Variants in GPHN observed in about 807,000 individuals in gnomAD.
GPHN encodes the protein gephyrin.
In GPHN, 17 loss-of-function variants were observed where a neutral mutation model predicts 95.5. The observed-to-expected ratio is 0.18, with a 90% CI of 0.12 to 0.27. GPHN has a LOEUF of 0.27. Ranked by LOEUF, GPHN falls within the 10% of genes least tolerant of loss-of-function variation. The probability of loss-of-function intolerance (pLI) is 1.00; values close to 1 mark genes in which losing one functional copy is unlikely to be tolerated. For synonymous variants in GPHN, 320 were observed against 322.5 expected, an observed-to-expected ratio of 0.99 and a Z score of 0.08; for missense variants, 660 against 978.1, an observed-to-expected ratio of 0.67 and a Z score of 4.34.
intron 8 of GPHN, among the ~76,000 whole-genome samples, chr14:66,963,390 G>T (rs979995537): frequency 6.6e-6 from 1 of 151,992 alleles, no homozygotes; most frequent in Non-Finnish European, 1.5e-5. Flanking sequence ...TCGTGCAGTT[G>T]CTTCATTAGA....
rs561467272 is a variant in GPHN at position 66,811,598 on chromosome 14, G to A, written c.202-12876G>A. The stretch of plus-strand genomic sequence containing the variant: ...AAGAACAGGTTAAAATATAGAAAAT[G>A]TATTTTTCACCAACTGTCATTTCTA... On this transcript the variant is annotated intron_variant, in intron 3 of 22. Coordinates refer to ENST00000478722, the MANE Select transcript of GPHN (RefSeq NM_020806.5). Among the ~76,000 whole-genome samples, 604 of 150,118 alleles carry A rather than the reference G, an allele frequency of 4.0e-3. 2 individuals carry two copies. Among genetic ancestry groups the A allele is most frequent in the African/African-American group, 0.014 (570 of 40,886 alleles).
chr14:67,300,185 G>A, the GPHN span, among the ~76,000 whole-genome samples: 1 of 151,978 alleles, frequency 6.6e-6, no homozygotes, highest in Non-Finnish European at 1.5e-5. Flanking sequence ...GACTGGTTTT[G>A]GTACTGTCAT....
chr14:67,496,467 G>C, the GPHN span, among the ~76,000 whole-genome samples: 6 of 133,726 alleles, frequency 4.5e-5, no homozygotes, highest in Non-Finnish European at 7.7e-5. Context: ...GCAGAGGCAC[G>C]ATCTCTGCTC....
chr14:66,825,267 A>T (rs2061348332), intron 4 of GPHN, among the ~76,000 whole-genome samples: 2 of 152,072 alleles, frequency 1.3e-5, no homozygotes, highest in South Asian at 4.1e-4. Context: ...CACTTGTGAC[A>T]TTGTTTCCTT....
chr14:66,925,342 C>G (rs1411782226), intron 8 of GPHN, among the ~76,000 whole-genome samples: 1 of 152,060 alleles, frequency 6.6e-6, no homozygotes, highest in East Asian at 1.9e-4. Flanking sequence ...TTGTAATCAC[C>G]CTGTTGTGCT....
chr14:66,608,627 T>C (rs1042415100), intron 1 of GPHN, among the ~76,000 whole-genome samples: 1 of 152,124 alleles, frequency 6.6e-6, no homozygotes, highest in Non-Finnish European at 1.5e-5. Flanking sequence ...TGAGGTCTTT[T>C]TCTAGGTCAA....
chr14:66,740,100 AAG>A (rs2072665859), intron 2 of GPHN, among the ~76,000 whole-genome samples: 2 of 152,204 alleles, frequency 1.3e-5, no homozygotes, highest in South Asian at 4.1e-4. Flanking sequence ...AAAAACAAGA[AAG>A]AGGTTCAAAA....
chr14:67,674,412 T>G, the GPHN span: 89 of 1,606,528 alleles, frequency 5.5e-5, 1 homozygote, highest in Middle Eastern at 6.7e-4. Context: ...CGGGCACCCC[T>G]TGTAGGTCTT....
At chr14:67,443,233 GA>G in the GPHN span, among the ~76,000 whole-genome samples, 3,061 of 146,240 alleles carry the variant, frequency 0.021, 40 homozygotes, top group Non-Finnish European at 0.029. Flanking sequence ...AAGAAAGAAA[GA>G]AAAAAAAAAT....
In GPHN at chr14:66,945,924, A is replaced by G. The variant is rs555134913; in HGVS notation, c.829-19267A>G. 6.6e-4 allele frequency among the ~76,000 whole-genome samples: 101 copies of G among 152,218 alleles called. 1 individual carries two copies. The highest frequency in any genetic ancestry group is 1.9e-3 in the African/African-American group (78 of 41,548). On this transcript the variant is annotated intron_variant, in intron 8 of 22. Coordinates refer to ENST00000478722, the MANE Select transcript of GPHN (RefSeq NM_020806.5). Reference sequence around the variant, plus strand: ...TAAAGAACAAACTTTTGTGATTTCTATTGGCTTTCTGGGAAATGTCAAAGA... The same window carrying G: ...TAAAGAACAAACTTTTGTGATTTCTGTTGGCTTTCTGGGAAATGTCAAAGA...
chr14:66,585,521 C>T (rs1250160317), intron 1 of GPHN, among the ~76,000 whole-genome samples: 2 of 151,964 alleles, frequency 1.3e-5, no homozygotes, highest in Admixed American at 1.3e-4. Context: ...CTCTTGTGGG[C>T]ATTTAGTGCT....
At chr14:66,641,888 A>G (rs962204267) in intron 1 of GPHN, among the ~76,000 whole-genome samples, 11 of 152,194 alleles carry the variant, frequency 7.2e-5, no homozygotes, top group African/African-American at 2.4e-4. Context: ...AAAAATGACT[A>G]TCTCTTCTGA....
chr14:67,658,995 T>C, the GPHN span, among the ~76,000 whole-genome samples: 1 of 152,194 alleles, frequency 6.6e-6, no homozygotes. Flanking sequence ...TGCCAGAGAA[T>C]TTCTACTTTG....
At chr14:66,858,217 CT>C (rs755521197) in intron 4 of GPHN, among the ~76,000 whole-genome samples, 4 of 152,044 alleles carry the variant, frequency 2.6e-5, no homozygotes, top group Admixed American at 2.0e-4. Flanking sequence ...TGCACCATCC[CT>C]TCCCCATGCC....
In GPHN at chr14:66,508,414, G is replaced by A; in HGVS notation, c.-114G>A. 5.4e-6 allele frequency: 5 copies of A among 927,730 alleles called. No homozygotes were observed. The South Asian group carries it at 6.5e-5, about 12-fold the overall frequency. The allele number at this position is 927,730 out of a possible 1,614,324, so 57.5% of individuals were successfully genotyped here. A position where few individuals can be genotyped will look rare whatever the true frequency, so the allele number is the denominator to read the frequency against. On this transcript the variant is annotated 5_prime_UTR_variant, in exon 1 of 23. Coordinates refer to ENST00000478722, the MANE Select transcript of GPHN (RefSeq NM_020806.5). ...CCCCCTCCTTCCCCGCTCTCCTCGC[G>A]CTTCTCTGGCTCCCTAGCTGTCGCG...
chr14:67,325,392 G>A, the GPHN span, among the ~76,000 whole-genome samples: 1 of 152,196 alleles, frequency 6.6e-6, no homozygotes, highest in Non-Finnish European at 1.5e-5. Flanking sequence ...GGCTAAGTAG[G>A]CTAGCTGGTT....
At chr14:66,582,969 C>T (rs2061258626) in intron 1 of GPHN, among the ~76,000 whole-genome samples, 1 of 152,122 alleles carries the variant, frequency 6.6e-6, no homozygotes, top group Admixed American at 6.5e-5. Flanking sequence ...CACTGACTTC[C>T]ACAATGGTGG....
At chr14:67,717,531 A>AGTAAAACATTACTG in the GPHN span, among the ~76,000 whole-genome samples, 1 of 152,218 alleles carries the variant, frequency 6.6e-6, no homozygotes, top group Non-Finnish European at 1.5e-5. Context: ...CTGTCCTCTA[A>AGTAAAACATTACTG]TCCTTTTCAA....
At chr14:67,600,255 GC>G in the GPHN span, 1 of 1,439,754 alleles carries the variant, frequency 6.9e-7, no homozygotes, top group Non-Finnish European at 9.2e-7. Context: ...GCGCTCGCCG[GC>G]CCTGGCCGTC....
Sources: allele counts gnomAD v4.1 joint callset (sites outside exome capture counted in the v4.1 genomes callset), GRCh38; gene constraint gnomAD v4.1.1; transcripts MANE v1.5; gene names NCBI Gene and HGNC (gene_info 2026-07-23, HGNC 2026-07-21).